PLCL2: variants seen among roughly 807,000 people sequenced by gnomAD.
PLCL2 encodes the protein inactive phospholipase C-like protein 2.
In PLCL2, 4 loss-of-function variants were observed where a neutral mutation model predicts 79.6. That is an observed-to-expected ratio of 0.05 (90% CI 0.02 to 0.11). PLCL2 has a LOEUF of 0.11. PLCL2 is among the 10% of genes least tolerant of loss of function. PLCL2 has a pLI of 1.00. For synonymous variants in PLCL2, 484 were observed against 457.7 expected (o/e 1.06, Z -0.73); for missense variants, 895 against 1,291.0 (o/e 0.69, Z 4.70).
intron 5 of PLCL2, among the ~76,000 whole-genome samples, chr3:17,084,492 C>G (rs2065195884): frequency 6.6e-6 from 1 of 152,144 alleles, no homozygotes; most frequent in Non-Finnish European, 1.5e-5. Flanking sequence ...AAACAATAGA[C>G]CAGTATCTCT....
intron 4 of PLCL2, among the ~76,000 whole-genome samples, chr3:17,064,459 G>A (rs1179431932): frequency 6.6e-6 from 1 of 152,136 alleles, no homozygotes; most frequent in Non-Finnish European, 1.5e-5. Context: ...TTAGGAAAGT[G>A]CTGTAGCCTC....
chr3:16,977,569 T>G (rs933729350), intron 1 of PLCL2, among the ~76,000 whole-genome samples: 3 of 152,222 alleles, frequency 2.0e-5, no homozygotes, highest in South Asian at 2.1e-4. Context: ...CCTCTTTTAC[T>G]TATGGTAGAC....
At chr3:17,084,212 G>A (rs1217526994) in intron 5 of PLCL2, among the ~76,000 whole-genome samples, 1 of 152,078 alleles carries the variant, frequency 6.6e-6, no homozygotes. Context: ...TCCTTGAAAG[G>A]TACCATCTGC....
chr3:16,885,213 C>T lies in PLCL2; in HGVS notation c.174C>T (p.Asp58=). Residue 58 remains aspartate (D), a synonymous_variant, in exon 1 of 6, where the codon GAC becomes GAT. Coordinates refer to ENST00000615277, the MANE Select transcript of PLCL2 (RefSeq NM_001144382.2). ...RYDSGGVSNG[D]CSLGVSGDEA... The stretch of plus-strand genomic sequence containing the variant: ...ACAGCGGCGGGGTTTCCAACGGAGA[C>T]TGCAGCCTCGGCGTGTCCGGGGACG... The T allele has an allele frequency of 1.5e-6, 1 of 653,452 alleles. No homozygotes were observed. Among genetic ancestry groups the T allele is most frequent in the South Asian group, 1.6e-5 (1 of 62,686 alleles). The allele number at this position is 653,452 out of a possible 1,614,324, so 40.5% of individuals were successfully genotyped here.
At chr3:17,016,171 T>C (rs1454500995) in intron 3 of PLCL2, among the ~76,000 whole-genome samples, 1 of 152,230 alleles carries the variant, frequency 6.6e-6, no homozygotes, top group Non-Finnish European at 1.5e-5. Flanking sequence ...ACCATTGGAA[T>C]ACTATTTCTA....
chr3:16,936,062 T>C (rs1474799225), intron 1 of PLCL2, among the ~76,000 whole-genome samples: 2 of 152,196 alleles, frequency 1.3e-5, no homozygotes, highest in East Asian at 1.9e-4. Context: ...CAACCCATTC[T>C]CTTGAGGCCA....
intron 1 of PLCL2, among the ~76,000 whole-genome samples, chr3:16,986,300 T>A (rs1575572034): frequency 6.6e-6 from 1 of 152,270 alleles, no homozygotes; most frequent in East Asian, 1.9e-4. Flanking sequence ...CCCCTAGTGC[T>A]GGGCCTGGCA....
chr3:16,990,823 C>T (rs1286675613), intron 1 of PLCL2, among the ~76,000 whole-genome samples: 1 of 152,134 alleles, frequency 6.6e-6, no homozygotes, highest in Non-Finnish European at 1.5e-5. Flanking sequence ...GGAAAAAGAA[C>T]ATTTAAAATA....
chr3:17,085,308 G>T (rs1575624000), intron 5 of PLCL2, among the ~76,000 whole-genome samples: 2 of 152,108 alleles, frequency 1.3e-5, no homozygotes, highest in East Asian at 3.9e-4. Flanking sequence ...GCTAATTTTT[G>T]TATTTTTATA....
chr3:17,061,869 A>G (rs755244875), intron 4 of PLCL2, among the ~76,000 whole-genome samples: 1 of 152,194 alleles, frequency 6.6e-6, no homozygotes, highest in Non-Finnish European at 1.5e-5. Context: ...CCTTTCGACC[A>G]GAACTGAATT....
intron 4 of PLCL2, among the ~76,000 whole-genome samples, chr3:17,058,999 T>A (rs1331574181): frequency 1.3e-5 from 2 of 152,180 alleles, no homozygotes; most frequent in Non-Finnish European, 2.9e-5. Context: ...GAAGCCCGTA[T>A]GGCAGTAAAT....
At chr3:16,916,772 GAAAGATA>G (rs1046770203) in intron 1 of PLCL2, among the ~76,000 whole-genome samples, 4 of 152,206 alleles carry the variant, frequency 2.6e-5, no homozygotes, top group South Asian at 2.1e-4. Context: ...ACAGAATTTT[GAAAGATA>G]AAAGATAAAG....
chr3:17,013,581 C>CTA (rs1424503395), intron 2 of PLCL2, among the ~76,000 whole-genome samples: 19 of 152,260 alleles, frequency 1.2e-4, no homozygotes, highest in African/African-American at 4.1e-4. Flanking sequence ...AGCCAATGAT[C>CTA]TATAGTTTGA....
intron 1 of PLCL2, among the ~76,000 whole-genome samples, chr3:16,980,322 GCTC>G (rs1272725285): frequency 6.7e-6 from 1 of 149,694 alleles, no homozygotes; most frequent in Non-Finnish European, 1.5e-5. Flanking sequence ...GGGCGGAGAC[GCTC>G]CTCACTTCCC....
At chr3:16,927,588 A>G (rs1482486029) in intron 1 of PLCL2, among the ~76,000 whole-genome samples, 1 of 152,208 alleles carries the variant, frequency 6.6e-6, no homozygotes, top group Non-Finnish European at 1.5e-5. Flanking sequence ...GGTCTAGCAC[A>G]GGGTTTCTCA....
intron 1 of PLCL2, among the ~76,000 whole-genome samples, chr3:16,977,964 T>G (rs2063943539): frequency 6.6e-6 from 1 of 152,216 alleles, no homozygotes; most frequent in Non-Finnish European, 1.5e-5. Context: ...ATAAGGGCAC[T>G]AATCCCATTT....
chr3:16,900,953 T>C (rs1317714790), intron 1 of PLCL2, among the ~76,000 whole-genome samples: 1 of 152,152 alleles, frequency 6.6e-6, no homozygotes, highest in African/African-American at 2.4e-5. Flanking sequence ...AATCTTGGAG[T>C]GGCACTGTTT....
chr3:16,972,534 A>G (rs1361923804), intron 1 of PLCL2, among the ~76,000 whole-genome samples: 7 of 152,156 alleles, frequency 4.6e-5, no homozygotes, highest in Admixed American at 3.3e-4. Context: ...AGTTCCGAAT[A>G]TCTTTGTTAG....
chr3:16,936,645 TG>T (rs930592934), intron 1 of PLCL2, among the ~76,000 whole-genome samples: 35 of 152,240 alleles, frequency 2.3e-4, no homozygotes, highest in African/African-American at 8.4e-4. Context: ...GTTGTTTCCC[TG>T]GGGAGATAAT....
Sources: gnomAD v4.1 joint callset for allele counts (sites outside exome capture counted in the v4.1 genomes callset) on GRCh38, gnomAD v4.1.1 for gene constraint, MANE v1.5 for transcripts, NCBI Gene and HGNC (gene_info 2026-07-23, HGNC 2026-07-21) for gene names.